Variants in TLN2 observed in about 807,000 individuals in gnomAD.
TLN2 encodes the protein talin 2, also known as talin-2.
TLN2 carries 118 observed loss-of-function variants against 294.7 expected under a neutral mutation model. The observed-to-expected ratio is 0.40, with a 90% CI of 0.34 to 0.47. The LOEUF is 0.47. TLN2 is among the 20% of genes least tolerant of loss of function. TLN2 has a pLI of 0.84. For synonymous variants in TLN2, 1,431 were observed against 1,304.5 expected (o/e 1.10, Z -2.09); for missense variants, 3,083 against 3,282.2 (o/e 0.94, Z 1.48).
intron 9 of TLN2, among the ~76,000 whole-genome samples, chr15:62,666,314 T>C (rs2054632110): frequency 6.6e-6 from 1 of 151,892 alleles, no homozygotes; most frequent in Non-Finnish European, 1.5e-5. Flanking sequence ...CATGATTAGG[T>C]CATGAGGGCT....
chr15:62,643,866 A>G (rs2140923260), intron 3 of TLN2, among the ~76,000 whole-genome samples: 1 of 152,234 alleles, frequency 6.6e-6, no homozygotes, highest in South Asian at 2.1e-4. Context: ...TTGGTGCAGA[A>G]TAGAGATTAT....
At chr15:62,575,798 C>T (rs112757652) in intron 1 of TLN2, among the ~76,000 whole-genome samples, 2 of 152,338 alleles carry the variant, frequency 1.3e-5, no homozygotes, top group East Asian at 1.9e-4. Flanking sequence ...ACTTCATCCA[C>T]GGAAAACCAG....
intron 9 of TLN2, among the ~76,000 whole-genome samples, chr15:62,671,163 A>G (rs186391215): frequency 2.0e-5 from 3 of 152,142 alleles, no homozygotes; most frequent in Admixed American, 6.5e-5. Flanking sequence ...AAGGTTTTTT[A>G]TATATTCTGT....
At chr15:62,611,904 A>G (rs1440200889) in intron 2 of TLN2, among the ~76,000 whole-genome samples, 4 of 152,164 alleles carry the variant, frequency 2.6e-5, no homozygotes, top group Non-Finnish European at 5.9e-5. Flanking sequence ...ATGAAACACC[A>G]TTTTGGAAGT....
intron 25 of TLN2, among the ~76,000 whole-genome samples, chr15:62,720,675 G>GTA (rs1279096999): frequency 1.3e-5 from 2 of 151,704 alleles, no homozygotes; most frequent in Non-Finnish European, 2.9e-5. Flanking sequence ...GTGTGTGTGT[G>GTA]TGTGTGTATT....
At chr15:62,471,296 G>C (rs2037458344) in intron 1 of TLN2, among the ~76,000 whole-genome samples, 1 of 152,230 alleles carries the variant, frequency 6.6e-6, no homozygotes, top group Admixed American at 6.5e-5. Context: ...AGTGAGCCGA[G>C]ATCATGCTGC....
At chr15:62,484,163 G>T (rs985548358) in intron 1 of TLN2, among the ~76,000 whole-genome samples, 3 of 152,174 alleles carry the variant, frequency 2.0e-5, no homozygotes, top group African/African-American at 7.2e-5. Context: ...GCTGGGTCAG[G>T]GTGGGTGTGG....
At chr15:62,435,887 A>G (rs185000532) in intron 1 of TLN2, among the ~76,000 whole-genome samples, 1 of 152,324 alleles carries the variant, frequency 6.6e-6, no homozygotes, top group African/African-American at 2.4e-5. Flanking sequence ...ACATGCTGTG[A>G]ATACTTTCCC....
intron 26 of TLN2, among the ~76,000 whole-genome samples, chr15:62,723,538 C>CTTTTTTTTTTT (rs555674609): frequency 4.7e-5 from 5 of 107,220 alleles, no homozygotes; most frequent in Non-Finnish European, 5.2e-5. Context: ...ACTGTGAAAA[C>CTTTTTTTTTTT]TTTTTTTTTT....
chr15:62,776,533 T>A (rs965122206), intron 42 of TLN2, among the ~76,000 whole-genome samples: 2 of 152,236 alleles, frequency 1.3e-5, no homozygotes, highest in Non-Finnish European at 2.9e-5. Context: ...ATTTTGATAT[T>A]GCAGTTTTAT....
intron 34 of TLN2, among the ~76,000 whole-genome samples, chr15:62,750,832 A>G (rs1319857808): frequency 6.6e-6 from 1 of 152,110 alleles, no homozygotes; most frequent in East Asian, 1.9e-4. Context: ...TTTTTCACAA[A>G]TGGGTCTTAT....
At chr15:62,800,615 C>T in intron 49 of TLN2, 38 bp from the exon 50 acceptor site, 1 of 1,611,830 alleles carries the variant, frequency 6.2e-7, no homozygotes, top group South Asian at 1.1e-5. Context: ...GGACCTGAGT[C>T]ACTGCACTAT....
intron 1 of TLN2, among the ~76,000 whole-genome samples, chr15:62,531,779 A>G (rs2041055786): frequency 6.6e-6 from 1 of 152,194 alleles, no homozygotes; most frequent in Admixed American, 6.5e-5. Context: ...TTCCCCACTG[A>G]ACCTGAAAAC....
chr15:62,521,935 G>C (rs1174717990), intron 1 of TLN2, among the ~76,000 whole-genome samples: 1 of 152,128 alleles, frequency 6.6e-6, no homozygotes, highest in Non-Finnish European at 1.5e-5. Context: ...TCTTATTGCC[G>C]CAAAGAGTCT....
At chr15:62,779,172 C>T (rs1415125609) in intron 43 of TLN2, among the ~76,000 whole-genome samples, 3 of 152,184 alleles carry the variant, frequency 2.0e-5, no homozygotes, top group Non-Finnish European at 1.5e-5. Flanking sequence ...GATTCTCTCT[C>T]GTCATCTCAG....
intron 1 of TLN2, among the ~76,000 whole-genome samples, chr15:62,542,482 G>C (rs909658422): frequency 6.6e-6 from 1 of 152,172 alleles, no homozygotes; most frequent in Admixed American, 6.5e-5. Context: ...GAGGCATCGC[G>C]CCCGGCCCCA....
At chr15:62,422,679 G>A (rs1447114712) in intron 1 of TLN2, among the ~76,000 whole-genome samples, 2 of 152,086 alleles carry the variant, frequency 1.3e-5, no homozygotes, top group Non-Finnish European at 2.9e-5. Context: ...ATGCAGAAAT[G>A]CCTTCCACAG....
Position 62,415,222 on chromosome 15 carries a change from A to G in TLN2, c.-238+24537A>G, listed in dbSNP as rs768424905. 1.3e-4 allele frequency among the ~76,000 whole-genome samples: 19 copies of G among 141,530 alleles called. 3 individuals are homozygous for G. Among genetic ancestry groups the G allele is most frequent in the Non-Finnish European group, 2.9e-4 (19 of 65,988 alleles). 92.8% of individuals were successfully genotyped at this position (141,530 alleles called of 152,430 possible). A position where few individuals can be genotyped will look rare whatever the true frequency, so the allele number is the denominator to read the frequency against. ...TGTGTCAAGGATGCCTTTGATAGTC[A>G]TGTTCCTATTAGGGACAGAGATGGA... is the stretch of plus-strand genomic sequence containing the variant. On this transcript the variant is annotated intron_variant, in intron 1 of 58. Transcript: ENST00000636159.
chr15:62,762,601 A>G (rs1404787054), intron 39 of TLN2, 148 bp downstream of exon 39: 2 of 860,906 alleles, frequency 2.3e-6, no homozygotes, highest in East Asian at 2.6e-5. Flanking sequence ...ACTGGTCACA[A>G]TAGTAATTGC....
Sources: gnomAD v4.1 joint callset for allele counts (sites outside exome capture counted in the v4.1 genomes callset) on GRCh38, gnomAD v4.1.1 for gene constraint, MANE v1.5 for transcripts, NCBI Gene and HGNC (gene_info 2026-07-23, HGNC 2026-07-21) for gene names.